FABP6: variants seen among roughly 807,000 people sequenced by gnomAD.
FABP6 encodes the protein gastrotropin.
Under a neutral mutation model 14.9 loss-of-function variants are expected in FABP6, and 13 were observed. The ratio of observed to expected loss-of-function variants is 0.87; its 90% CI spans 0.57 to 1.39. The LOEUF (loss-of-function observed/expected upper bound fraction) is 1.39, where lower values mean the gene tolerates loss of function less well. FABP6 is among the 40% of genes most tolerant of loss of function. The probability of loss-of-function intolerance (pLI) is 0.00; values close to 1 mark genes in which losing one functional copy is unlikely to be tolerated. For synonymous variants in FABP6, 75 were observed against 63.6 expected (o/e 1.18, Z -0.85); for missense variants, 161 against 167.2 (o/e 0.96, Z 0.20).
chr5:160,208,976 C>G (rs1276751963), intron 2 of FABP6, among the ~76,000 whole-genome samples: 1 of 151,806 alleles, frequency 6.6e-6, no homozygotes, highest in Non-Finnish European at 1.5e-5. Context: ...CGGGGTTTCA[C>G]CATGTTGGCC....
At position 160,238,576 on chromosome 5, in the gene FABP6, G is replaced by C. The variant is rs758168331; in HGVS notation, c.334-30G>C. The C allele has an allele frequency of 3.1e-6, 5 of 1,610,960 alleles. No individual in the cohort carries two copies. In the South Asian group the frequency reaches 3.3e-5, roughly 11 times the overall value. The stretch of plus-strand genomic sequence containing the variant: ...CCTGGCTACCTTGGGGTGGGGCACT[G>C]ACTCCCTCTGTCCCGGCTGCTTCTT... On this transcript the variant is annotated intron_variant, in intron 3 of 3. Coordinates refer to ENST00000402432, the MANE Select transcript of FABP6 (RefSeq NM_001445.3).
intron 3 of FABP6, among the ~76,000 whole-genome samples, chr5:160,217,987 G>A (rs55995034): frequency 0.17 from 26,010 of 151,976 alleles, 2,268 homozygotes; most frequent in Middle Eastern, 0.19. Flanking sequence ...CACCCAGGAG[G>A]TAGTGCAGTG....
chr5:160,210,929 G>A (rs149887881), intron 2 of FABP6, among the ~76,000 whole-genome samples: 324 of 152,280 alleles, frequency 2.1e-3, no homozygotes, highest in Middle Eastern at 3.4e-3. Flanking sequence ...TGGCAGGAGA[G>A]GGGGCAATGA....
intron 1 of FABP6, among the ~76,000 whole-genome samples, chr5:160,192,450 G>A (rs1366475151): frequency 6.6e-6 from 1 of 152,236 alleles, no homozygotes; most frequent in Admixed American, 6.5e-5. Context: ...GAAACCTTGC[G>A]TGTTTACTCT....
intron 2 of FABP6, among the ~76,000 whole-genome samples, chr5:160,212,958 G>A (rs1759924136): frequency 6.6e-6 from 1 of 152,156 alleles, no homozygotes; most frequent in Non-Finnish European, 1.5e-5. Flanking sequence ...AGGATGGGAT[G>A]GATTGGGAGG....
At chr5:160,228,094 A>G (rs1186375443), upstream of FABP6, among the ~76,000 whole-genome samples, 2 of 152,032 alleles carry the variant, frequency 1.3e-5, no homozygotes, top group Non-Finnish European at 2.9e-5. Flanking sequence ...GGTTTCCTGA[A>G]TTAATAATAA....
intron 3 of FABP6, among the ~76,000 whole-genome samples, chr5:160,214,330 AT>A (rs370008637): frequency 0.034 from 5,159 of 151,298 alleles, 120 homozygotes; most frequent in South Asian, 0.059. Context: ...TGCCTGGTTA[AT>A]TTTTTAAATT....
chr5:160,208,676 T>G (rs1759820852), intron 2 of FABP6, among the ~76,000 whole-genome samples: 1 of 152,094 alleles, frequency 6.6e-6, no homozygotes, highest in Non-Finnish European at 1.5e-5. Flanking sequence ...GCCTATAATC[T>G]CAGAACTTTG....
In FABP6 at chr5:160,234,897, C is replaced by G; in HGVS notation, c.321C>G (p.Asp107Glu). ...NYHQTSEIVG[D>E]KLVEVSTIGG... is the part of the protein sequence containing the mutation. Reference sequence around the variant, plus strand: ...ACCAGACCTCAGAGATCGTGGGTGACAAGCTGGTGGAGGTGAGTGTCATGC... The same window carrying G: ...ACCAGACCTCAGAGATCGTGGGTGAGAAGCTGGTGGAGGTGAGTGTCATGC... The change falls in exon 3 of 4, where the codon GAC (aspartate) becomes GAG (glutamate). Residue 107 changes from aspartate (D) to glutamate (E), a missense_variant. Physicochemically the swap from Asp to Glu is conservative, Grantham distance 45 (BLOSUM62 2). Transcript: ENST00000402432. 6.2e-7 allele frequency: 1 copy of G among 1,611,320 alleles called. No homozygotes were observed.
chr5:160,226,301 G>C (rs945330228), upstream of FABP6, among the ~76,000 whole-genome samples: 1 of 151,678 alleles, frequency 6.6e-6, no homozygotes, highest in African/African-American at 2.4e-5. Context: ...GGTGGCTCAC[G>C]CCTGTAGTTC....
intron 2 of FABP6, among the ~76,000 whole-genome samples, chr5:160,212,631 G>T (rs1458974835): frequency 2.0e-5 from 3 of 151,620 alleles, no homozygotes; most frequent in African/African-American, 7.3e-5. Context: ...ACCACGCCTG[G>T]CTAATTTTTT....
At chr5:160,190,982 G>A (rs994201273) in intron 1 of FABP6, among the ~76,000 whole-genome samples, 1 of 150,520 alleles carries the variant, frequency 6.6e-6, no homozygotes. Flanking sequence ...CCAGCGTGGT[G>A]TACTCAGGAG....
chr5:160,234,136 G>A (rs1467928430), intron 2 of FABP6, among the ~76,000 whole-genome samples: 1 of 152,118 alleles, frequency 6.6e-6, no homozygotes, highest in African/African-American at 2.4e-5. Context: ...TAGCCCTCCT[G>A]TGCAAATAAC....
At chr5:160,231,988 T>C (rs1580923654) in intron 1 of FABP6, 110 bp from the exon 2 acceptor site, 2 of 1,265,174 alleles carry the variant, frequency 1.6e-6, no homozygotes, top group Non-Finnish European at 2.2e-6. Context: ...CAGGCTAGCC[T>C]ATCATGCACA....
chr5:160,216,111 G>A (rs555739951), intron 3 of FABP6, among the ~76,000 whole-genome samples: 60 of 152,242 alleles, frequency 3.9e-4, no homozygotes, highest in African/African-American at 1.3e-3. Flanking sequence ...GATGAACTGG[G>A]GAAAATTGAT....
intron 2 of FABP6, among the ~76,000 whole-genome samples, chr5:160,212,717 C>T (rs1374103475): frequency 6.6e-6 from 1 of 151,932 alleles, no homozygotes; most frequent in Non-Finnish European, 1.5e-5. Flanking sequence ...GAGCCGCCTG[C>T]CTCAGCCTCC....
At chr5:160,205,208 A>C (rs553606797) in intron 2 of FABP6, among the ~76,000 whole-genome samples, 1 of 150,242 alleles carries the variant, frequency 6.7e-6, no homozygotes, top group South Asian at 2.2e-4. Context: ...ATTAATGATT[A>C]GATTGTCATC....
chr5:160,218,990 G>C, intron 3 of FABP6, among the ~76,000 whole-genome samples: 1 of 152,096 alleles, frequency 6.6e-6, no homozygotes, highest in East Asian at 1.9e-4. Context: ...CAAACTCCTG[G>C]TCTTTGATTC....
chr5:160,193,163 C>T (rs905366987), intron 1 of FABP6, among the ~76,000 whole-genome samples: 2 of 151,904 alleles, frequency 1.3e-5, no homozygotes, highest in South Asian at 2.1e-4. Context: ...TTCTGATGTT[C>T]GGATGTGTTC....
Sources: gnomAD v4.1 joint callset for allele counts (sites outside exome capture counted in the v4.1 genomes callset) on GRCh38, gnomAD v4.1.1 for gene constraint, MANE v1.5 for transcripts, NCBI Gene and HGNC (gene_info 2026-07-23, HGNC 2026-07-21) for gene names.